PROS1: variants seen among roughly 807,000 people sequenced by gnomAD.
PROS1 encodes the protein vitamin K-dependent protein S.
PROS1 carries 29 observed loss-of-function variants against 75.9 expected under a neutral mutation model. The observed-to-expected ratio is 0.38, with a 90% CI of 0.28 to 0.52. The LOEUF is 0.52. PROS1 is among the 20% of genes least tolerant of loss of function. The probability of loss-of-function intolerance (pLI) is 0.83; values close to 1 mark genes in which losing one functional copy is unlikely to be tolerated. For synonymous variants in PROS1, 245 were observed against 280.6 expected, an observed-to-expected ratio of 0.87 and a Z score of 1.27; for missense variants, 680 against 810.3, an observed-to-expected ratio of 0.84 and a Z score of 1.95.
chr3:93,881,535 T>C (rs1008861662), intron 12 of PROS1, among the ~76,000 whole-genome samples: 10 of 150,442 alleles, frequency 6.6e-5, no homozygotes, highest in Non-Finnish European at 1.0e-4. Context: ...AATTTAAAAA[T>C]GTATTTTAAT....
chr3:93,882,560 T>G (rs1272109605), intron 12 of PROS1, among the ~76,000 whole-genome samples: 1 of 152,200 alleles, frequency 6.6e-6, no homozygotes, highest in African/African-American at 2.4e-5. Context: ...AAAGCCAGAA[T>G]GAGAACACTT....
At chr3:93,938,618 C>G (rs766351047) in intron 1 of PROS1, among the ~76,000 whole-genome samples, 7 of 152,206 alleles carry the variant, frequency 4.6e-5, no homozygotes, top group Non-Finnish European at 1.5e-5. Context: ...TCTCCAGCCT[C>G]TCTTGCTACC....
chr3:93,946,081 A>G (rs865982223), intron 1 of PROS1, among the ~76,000 whole-genome samples: 28 of 152,356 alleles, frequency 1.8e-4, no homozygotes, highest in Middle Eastern at 6.8e-3. Flanking sequence ...TAAAATACCT[A>G]GGAATCCAAC....
chr3:93,927,172 G>A lies in PROS1; in HGVS notation c.234+78C>T, dbSNP rs1412319650. On this transcript the variant is annotated intron_variant, in intron 2 of 14. Transcript: ENST00000394236. ...TTATTGACTTTAAGATGGAACAGAA[G>A]GAAGTACAGGCTGGAAATGTTCAGT... 2.6e-6 allele frequency: 4 copies of A among 1,552,088 alleles called. No homozygotes were observed. In the Admixed American group the frequency reaches 6.7e-5, roughly 26 times the overall value.
chr3:93,962,300 T>C (rs1709719039), intron 1 of PROS1, among the ~76,000 whole-genome samples: 1 of 152,162 alleles, frequency 6.6e-6, no homozygotes, highest in Non-Finnish European at 1.5e-5. Context: ...CACTGTTTCA[T>C]GCACAAACTC....
intron 1 of PROS1, 105 bp downstream of exon 1, chr3:93,973,569 C>A (rs1251777205): frequency 8.7e-6 from 11 of 1,270,680 alleles, no homozygotes; most frequent in Admixed American, 2.0e-5. Flanking sequence ...TTACTGGAAA[C>A]TTTCTAGGAG....
intron 6 of PROS1, among the ~76,000 whole-genome samples, chr3:93,904,860 A>C (rs1212755767): frequency 6.6e-6 from 1 of 152,222 alleles, no homozygotes; most frequent in Non-Finnish European, 1.5e-5. Context: ...AAAACAAAAC[A>C]AATACACTAG....
chr3:93,893,196 G>C, intron 9 of PROS1, 74 bp from the exon 10 acceptor site: 1 of 1,321,516 alleles, frequency 7.6e-7, no homozygotes, highest in Non-Finnish European at 1.1e-6. Context: ...TTTTTTTCTT[G>C]TACTGACAAA....
chr3:93,972,430 T>C (rs1311391880), intron 1 of PROS1, among the ~76,000 whole-genome samples: 1 of 152,186 alleles, frequency 6.6e-6, no homozygotes, highest in African/African-American at 2.4e-5. Context: ...ATATATAATT[T>C]TCTAGAAATT....
intron 10 of PROS1, among the ~76,000 whole-genome samples, chr3:93,891,476 G>A (rs1348003953): frequency 1.3e-5 from 2 of 152,098 alleles, no homozygotes; most frequent in Admixed American, 1.3e-4. Context: ...CACCCAGGCT[G>A]GAGTGCAGTG....
intron 10 of PROS1, among the ~76,000 whole-genome samples, chr3:93,886,964 TGC>T (rs2107141075): frequency 6.7e-6 from 1 of 149,480 alleles, no homozygotes; most frequent in African/African-American, 2.5e-5. Flanking sequence ...CAGGCCAGAC[TGC>T]GGACTGCAGT....
chr3:93,882,045 T>C (rs1434684891), intron 12 of PROS1, among the ~76,000 whole-genome samples: 1 of 152,010 alleles, frequency 6.6e-6, no homozygotes. Context: ...CTAATAAACA[T>C]ATGGGAGGAT....
chr3:93,873,127 A>C lies in PROS1; in HGVS notation c.*1118T>G, dbSNP rs1708131151. The C allele has an allele frequency of 1.3e-5, 2 of 152,216 alleles. No individual in the cohort carries two copies. The highest frequency in any genetic ancestry group is 2.9e-5 in the Non-Finnish European group (2 of 68,028). The allele number at this position is 152,216 out of a possible 1,614,324, so 9.4% of individuals were successfully genotyped here. A position where few individuals can be genotyped will look rare whatever the true frequency, so the allele number is the denominator to read the frequency against. ...ACATGCATTTTAAAATTATACACCG[A>C]TTTATTATAAGTGATATAAAATACA... On this transcript the variant is annotated 3_prime_UTR_variant, in exon 15 of 15. Coordinates refer to ENST00000394236, the MANE Select transcript of PROS1 (RefSeq NM_000313.4).
At chr3:93,903,303 A>C (rs1291508489) in intron 6 of PROS1, among the ~76,000 whole-genome samples, 1 of 152,196 alleles carries the variant, frequency 6.6e-6, no homozygotes, top group Non-Finnish European at 1.5e-5. Context: ...CACTTTTGTA[A>C]TCATTTACAC....
intron 1 of PROS1, among the ~76,000 whole-genome samples, chr3:93,957,993 C>T (rs1157085107): frequency 1.3e-5 from 2 of 151,968 alleles, no homozygotes; most frequent in Non-Finnish European, 2.9e-5. Context: ...GAGGCTGAGG[C>T]AGGAGAATCA....
intron 3 of PROS1, among the ~76,000 whole-genome samples, chr3:93,922,323 T>G (rs1708955578): frequency 2.0e-5 from 3 of 152,266 alleles, no homozygotes; most frequent in South Asian, 2.1e-4. Context: ...AGGCTCAGAG[T>G]TCACCATTCT....
intron 1 of PROS1, among the ~76,000 whole-genome samples, chr3:93,948,424 CT>C (rs1301979402): frequency 2.6e-5 from 4 of 152,164 alleles, no homozygotes; most frequent in African/African-American, 9.7e-5. Flanking sequence ...TCTATTAGGT[CT>C]GCTTGGTGCA....
intron 3 of PROS1, among the ~76,000 whole-genome samples, chr3:93,915,672 A>C (rs902774133): frequency 1.3e-5 from 2 of 152,030 alleles, no homozygotes; most frequent in African/African-American, 4.8e-5. Context: ...TCTCATTTCC[A>C]TCTAGGATCT....
At position 93,905,813 on chromosome 3, in the gene PROS1, A is replaced by T. The variant is rs781747126; in HGVS notation, c.572T>A (p.Val191Asp). Residue 191 changes from valine to aspartate, a missense_variant, in exon 6 of 15, where the codon GTT (valine) becomes GAT (aspartate). Transcript: ENST00000394236. ...SYHCSCKNGF[V>D]MLSNKKDCKD... The stretch of plus-strand genomic sequence containing the variant: ...ACAATCTTTCTTATTTGAAAGCATA[A>T]CAAAACCATTTTTACAGGAACAGTG... 1 of 1,612,968 alleles carries T rather than the reference A, an allele frequency of 6.2e-7. No individual in the cohort carries two copies.
Sources: gnomAD v4.1 joint callset for allele counts (sites outside exome capture counted in the v4.1 genomes callset) on GRCh38, gnomAD v4.1.1 for gene constraint, MANE v1.5 for transcripts, NCBI Gene and HGNC (gene_info 2026-07-23, HGNC 2026-07-21) for gene names.